The following OGDHL variants were observed in gnomAD, a reference collection of about 807,000 sequenced individuals.
The protein encoded by OGDHL is oxoglutarate dehydrogenase L.
A neutral mutation model predicts 109.6 loss-of-function variants in OGDHL; 79 were observed. That is an observed-to-expected ratio of 0.72 (90% confidence interval 0.60 to 0.87). The LOEUF is 0.87. OGDHL is among the 40% of genes least tolerant of loss of function. The probability of loss-of-function intolerance (pLI) is 0.00; values close to 1 mark genes in which losing one functional copy is unlikely to be tolerated. For missense variants in OGDHL, 1,275 were observed against 1,362.2 expected (o/e 0.94, Z 1.01); for synonymous variants, 528 against 537.2 (o/e 0.98, Z 0.24).
At chr10:49,761,072 A>T (rs1843243783) in intron 1 of OGDHL, among the ~76,000 whole-genome samples, 1 of 151,628 alleles carries the variant, frequency 6.6e-6, no homozygotes, top group Non-Finnish European at 1.5e-5. Flanking sequence ...CCTGCATCCC[A>T]GCAGGGCATG....
intron 3 of OGDHL, among the ~76,000 whole-genome samples, chr10:49,754,355 C>T (rs562993447): frequency 2.6e-5 from 4 of 151,834 alleles, no homozygotes; most frequent in East Asian, 1.9e-4. Context: ...TCATATGAAT[C>T]CAAAAAAAAG....
In OGDHL at chr10:49,747,154, C is replaced by T. The variant is rs1168841429; in HGVS notation, c.1042G>A (p.Val348Ile). Residue 348 changes from valine to isoleucine, a missense_variant, in exon 9 of 23, where the codon GTC (valine) becomes ATC (isoleucine). Coordinates refer to ENST00000374103, the MANE Select transcript of OGDHL (RefSeq NM_018245.3). ...LGMYHERINR[V>I]TNRNITLSLV... ...GACAGAGTGATGTTCCGGTTGGTGA[C>T]GCGGTTGATCCTCTCATGGTACATG... The T allele has an allele frequency of 2.2e-5, 35 of 1,614,212 alleles. No homozygotes were observed. Among genetic ancestry groups the T allele is most frequent in the Admixed American group, 5.0e-5 (3 of 60,026 alleles).
intron 2 of OGDHL, 53 bp downstream of exon 2, chr10:49,758,336 C>A (rs892067652): frequency 6.5e-7 from 1 of 1,544,560 alleles, no homozygotes; most frequent in South Asian, 1.2e-5. Context: ...ACAGCCCGGC[C>A]CCCGAGGGCT....
chr10:49,754,676 G>GAA (rs34646233), intron 3 of OGDHL, among the ~76,000 whole-genome samples: 103 of 147,524 alleles, frequency 7.0e-4, no homozygotes, highest in East Asian at 6.8e-3. Context: ...AGCTGATTTT[G>GAA]AAAAAAAAAA....
chr10:49,745,730 A>G, intron 11 of OGDHL, 68 bp downstream of exon 11: 1 of 1,543,574 alleles, frequency 6.5e-7, no homozygotes, highest in South Asian at 1.2e-5. Context: ...GATGCTGATG[A>G]CATGGCTGGC....
chr10:49,745,397 T>C lies in OGDHL; in HGVS notation c.1576A>G (p.Lys526Glu). ...QIHRQVPVLK[K>E]YADKLIAEGT... ...TCGGCAATCAGCTTGTCTGCGTACT[T>C]CTTCAGCACAGGCACCTGTCTGTGG... Residue 526 changes from lysine (K) to glutamate (E), a missense_variant, in exon 12 of 23, where the codon AAG becomes GAG. By Grantham distance (56) the Lys-to-Glu change is moderately conservative. Transcript: ENST00000374103. 6.2e-7 allele frequency: 1 copy of C among 1,614,100 alleles called. No individual in the cohort carries two copies. The highest frequency in any genetic ancestry group is 8.5e-7 in the Non-Finnish European group (1 of 1,180,022).
At position 49,745,850 on chromosome 10, in the gene OGDHL, C is replaced by T. The variant is rs1842141485; in HGVS notation, c.1424G>A (p.Ser475Asn). 2 of 1,614,124 alleles carry T rather than the reference C, an allele frequency of 1.2e-6. No homozygotes were observed. The highest frequency in any genetic ancestry group is 1.3e-5 in the African/African-American group (1 of 74,936). ...AGTGTTTCTCCATTCGGCTGCCACA[C>T]TGCACACATATATCACAGCCTCTGG... ...DDPEAVIYVC[S>N]VAAEWRNTFN... Residue 475 changes from serine (S) to asparagine (N), a missense_variant, in exon 11 of 23, where the codon AGT becomes AAT. By Grantham distance (46) the Ser-to-Asn change is conservative. Coordinates refer to ENST00000374103, the MANE Select transcript of OGDHL (RefSeq NM_018245.3).
chr10:49,760,387 G>C (rs1321057569), intron 1 of OGDHL, among the ~76,000 whole-genome samples: 2 of 152,206 alleles, frequency 1.3e-5, no homozygotes, highest in Non-Finnish European at 2.9e-5. Context: ...TCTGGGGTCA[G>C]GCAGCCAGGG....
chr10:49,743,512 T>G, intron 14 of OGDHL: 1 of 167,306 alleles, frequency 6.0e-6, no homozygotes, highest in South Asian at 1.7e-4. Flanking sequence ...AAGGTCACAG[T>G]GGCCCCAGCC....
intron 3 of OGDHL, among the ~76,000 whole-genome samples, chr10:49,753,061 C>T (rs78013519): frequency 0.012 from 1,895 of 151,756 alleles, 41 homozygotes; most frequent in African/African-American, 0.043. Context: ...AGGAGACTGG[C>T]GCATGGATAT....
At chr10:49,747,990 G>C (rs1043950491) in intron 8 of OGDHL, among the ~76,000 whole-genome samples, 8 of 152,180 alleles carry the variant, frequency 5.3e-5, no homozygotes, top group African/African-American at 1.9e-4. Context: ...TATTATATCG[G>C]CAAAGATGAA....
In OGDHL at chr10:49,735,160, T is replaced by A. The variant is rs1841048270; in HGVS notation, c.*68A>T. On this transcript the variant is annotated 3_prime_UTR_variant, in exon 23 of 23. Transcript: ENST00000374103. The stretch of plus-strand genomic sequence containing the variant: ...CTCTCCTGGGCAGGAGCTCCGCCCC[T>A]CCCCTTTTCATCACCCCCTTGGTCC... The A allele has an allele frequency of 6.4e-7, 1 of 1,561,448 alleles. No individual in the cohort carries two copies. The highest frequency in any genetic ancestry group is 1.4e-5 in the African/African-American group (1 of 73,744).
In OGDHL at chr10:49,735,014, C is replaced by A; in HGVS notation, c.*214G>T. The stretch of plus-strand genomic sequence containing the variant: ...GCTGGGGGATGCTCCAGCACAGTAG[C>A]CTGCCTATAGGACTCCTCTGGCTCC... On this transcript the variant is annotated 3_prime_UTR_variant, in exon 23 of 23. Coordinates refer to ENST00000374103, the MANE Select transcript of OGDHL (RefSeq NM_018245.3). 1 of 483,280 alleles carries A rather than the reference C, an allele frequency of 2.1e-6. No individual in the cohort carries two copies. 29.9% of individuals were successfully genotyped at this position (483,280 alleles called of 1,614,324 possible). A position where few individuals can be genotyped will look rare whatever the true frequency, so the allele number is the denominator to read the frequency against.
rs201099013 is a variant in OGDHL at position 49,735,296 on chromosome 10, G to C, written c.2965C>G (p.Leu989Val). The C allele has an allele frequency of 6.2e-7, 1 of 1,614,152 alleles. No individual in the cohort carries two copies. The highest frequency in any genetic ancestry group is 8.5e-7 in the Non-Finnish European group (1 of 1,180,012). ...TCCAGAAACTTCTTCAGTGACACCA[G>C]GTGAGTGTTCCTGTTTCCTGTGGCT... ...APATGNRNTH[L>V]VSLKKFLDTA... Residue 989 changes from leucine (L) to valine (V), a missense_variant, in exon 23 of 23, where the codon CTG (leucine) becomes GTG (valine). Leu to Val is a conservative substitution (Grantham distance 32). Transcript: ENST00000374103.
chr10:49,739,739 C>A lies in OGDHL; in HGVS notation c.2241G>T (p.Gln747His), dbSNP rs777287731. 1 of 1,614,174 alleles carries A rather than the reference C, an allele frequency of 6.2e-7. No homozygotes were observed. Among genetic ancestry groups the A allele is most frequent in the South Asian group, 1.1e-5 (1 of 91,076 alleles). Residue 747 changes from glutamine (Q) to histidine (H), a missense_variant, in exon 17 of 23, where the codon CAG becomes CAT. Physicochemically the swap from Gln to His is conservative, Grantham distance 24 (BLOSUM62 0). Coordinates refer to ENST00000374103, the MANE Select transcript of OGDHL (RefSeq NM_018245.3). ...ACTTGGCCTGGCCGGTGCTGATGAA[C>A]TGGTCGATGATGCACTGGGCCGTGT... ...FHNTAQCIID[Q>H]FISTGQAKWV...
Position 49,745,395 on chromosome 10 carries a change from C to A in OGDHL, c.1578G>T (p.Lys526Asn). The A allele has an allele frequency of 6.2e-7, 1 of 1,614,150 alleles. No individual in the cohort carries two copies. Among genetic ancestry groups the A allele is most frequent in the Non-Finnish European group, 8.5e-7 (1 of 1,180,026 alleles). Reference sequence around the variant, plus strand: ...CCTCGGCAATCAGCTTGTCTGCGTACTTCTTCAGCACAGGCACCTGTCTGT... The same window carrying A: ...CCTCGGCAATCAGCTTGTCTGCGTAATTCTTCAGCACAGGCACCTGTCTGT... ...QIHRQVPVLK[K>N]YADKLIAEGT... The change falls in exon 12 of 23, where the codon AAG (lysine) becomes AAT (asparagine). Residue 526 changes from lysine to asparagine, a missense_variant. Lys to Asn is a moderately conservative substitution (Grantham distance 94). Coordinates refer to ENST00000374103, the MANE Select transcript of OGDHL (RefSeq NM_018245.3).
At chr10:49,761,668 G>A (rs888290879) in intron 1 of OGDHL, among the ~76,000 whole-genome samples, 8 of 152,202 alleles carry the variant, frequency 5.3e-5, no homozygotes, top group African/African-American at 1.7e-4. Context: ...AGCCTGCTGT[G>A]GCCTCGGGAT....
At chr10:49,738,093 T>A (rs755007386) in intron 18 of OGDHL, 21 bp from the exon 19 acceptor site, 5 of 1,613,994 alleles carry the variant, frequency 3.1e-6, no homozygotes, top group Non-Finnish European at 4.2e-6. Context: ...GAGATGCATA[T>A]GGCCAGGGTG....
At chr10:49,737,472 T>G (rs1184287712) in intron 20 of OGDHL, among the ~76,000 whole-genome samples, 1 of 152,152 alleles carries the variant, frequency 6.6e-6, no homozygotes, top group Admixed American at 6.5e-5. Context: ...ATTTTTAAAA[T>G]GGACAAATGA....
Sources: gnomAD v4.1 joint callset for allele counts (sites outside exome capture counted in the v4.1 genomes callset) on GRCh38, gnomAD v4.1.1 for gene constraint, MANE v1.5 for transcripts, NCBI Gene and HGNC (gene_info 2026-07-23, HGNC 2026-07-21) for gene names.